The following PALLD variants were observed in gnomAD, a reference collection of about 807,000 sequenced individuals.
PALLD encodes palladin.
Under a neutral mutation model 123.5 loss-of-function variants are expected in PALLD, and 61 were observed. The observed-to-expected ratio is 0.49, with a 90% CI of 0.40 to 0.61. PALLD has a LOEUF of 0.61. Among genes scored for constraint, PALLD ranks in the 20% least tolerant of loss-of-function variants. The pLI, the probability that PALLD is intolerant of heterozygous loss-of-function variation, is 0.00. For missense variants in PALLD, 1,273 were observed against 1,377.0 expected, an observed-to-expected ratio of 0.92 and a Z score of 1.20; for synonymous variants, 465 against 496.4, an observed-to-expected ratio of 0.94 and a Z score of 0.84.
chr4:168,699,986 G>A, intron 8 of PALLD: 1 of 219,264 alleles, frequency 4.6e-6, no homozygotes, highest in Non-Finnish European at 9.4e-6. Flanking sequence ...GTCATTTTCT[G>A]ATTTCCATTC....
At chr4:168,513,019 C>T (rs899816986) in intron 2 of PALLD, among the ~76,000 whole-genome samples, 1 of 151,770 alleles carries the variant, frequency 6.6e-6, no homozygotes, top group Non-Finnish European at 1.5e-5. Flanking sequence ...ATGTAATTTA[C>T]CCATGTAACA....
intron 2 of PALLD, among the ~76,000 whole-genome samples, chr4:168,595,169 G>C (rs1472182260): frequency 3.9e-5 from 6 of 152,136 alleles, no homozygotes; most frequent in Admixed American, 1.3e-4. Context: ...GATAAGTTGT[G>C]GTGGGGCCTG....
intron 10 of PALLD, chr4:168,832,031 C>T (rs2150855873): frequency 1.0e-6 from 1 of 985,454 alleles, no homozygotes; most frequent in East Asian, 1.1e-4. Flanking sequence ...CGGGTGAAGG[C>T]TCGGAGCCTC....
intron 10 of PALLD, chr4:168,831,978 T>C: frequency 1.0e-6 from 1 of 985,048 alleles, no homozygotes; most frequent in Non-Finnish European, 1.2e-6. Context: ...ACGCCTCCTC[T>C]CTCCCGCCCG....
At chr4:168,888,017 A>G (rs1333132169) in intron 10 of PALLD, among the ~76,000 whole-genome samples, 1 of 152,188 alleles carries the variant, frequency 6.6e-6, no homozygotes, top group Non-Finnish European at 1.5e-5. Flanking sequence ...TTAGTCAGGG[A>G]CATCCTTTCC....
intron 10 of PALLD, among the ~76,000 whole-genome samples, chr4:168,748,628 A>C (rs1489170594): frequency 6.6e-6 from 1 of 152,192 alleles, no homozygotes. Context: ...ACAAGGCTGC[A>C]ATCAAGGTGT....
intron 3 of PALLD, among the ~76,000 whole-genome samples, chr4:168,672,747 C>T (rs1297985402): frequency 6.6e-6 from 1 of 152,216 alleles, no homozygotes; most frequent in Non-Finnish European, 1.5e-5. Flanking sequence ...CGTGAGCCAC[C>T]TCGCCCGGCC....
At chr4:168,525,775 G>C (rs919470644) in intron 2 of PALLD, among the ~76,000 whole-genome samples, 2 of 152,162 alleles carry the variant, frequency 1.3e-5, no homozygotes, top group African/African-American at 4.8e-5. Context: ...TCTAGTATGA[G>C]AGCTATTGTG....
intron 10 of PALLD, among the ~76,000 whole-genome samples, chr4:168,857,878 T>C (rs1376329502): frequency 6.6e-6 from 1 of 152,232 alleles, no homozygotes; most frequent in African/African-American, 2.4e-5. Flanking sequence ...CAAAAATATA[T>C]AGAAAGCAAA....
intron 10 of PALLD, among the ~76,000 whole-genome samples, chr4:168,833,556 G>A (rs745899753): frequency 1.3e-5 from 2 of 151,990 alleles, no homozygotes; most frequent in African/African-American, 2.4e-5. Context: ...GCTCCCCTCC[G>A]CCAGGTTAAG....
At chr4:168,530,236 C>A (rs1329795631) in intron 2 of PALLD, among the ~76,000 whole-genome samples, 1 of 152,162 alleles carries the variant, frequency 6.6e-6, no homozygotes, top group African/African-American at 2.4e-5. Flanking sequence ...ACAATCTCAA[C>A]CTTCTCATTA....
At chr4:168,828,724 A>G (rs763246186) in intron 10 of PALLD, among the ~76,000 whole-genome samples, 18 of 152,360 alleles carry the variant, frequency 1.2e-4, no homozygotes, top group East Asian at 1.9e-4. Context: ...ATTGAGCCCA[A>G]TGTTTCATCT....
At chr4:168,898,345 A>T in intron 13 of PALLD, 148 bp from the exon 14 acceptor site, 23 of 675,194 alleles carry the variant, frequency 3.4e-5, no homozygotes, top group Middle Eastern at 7.9e-4. Flanking sequence ...TTTTTGTTTC[A>T]TATGCAATTG....
At chr4:168,509,328 G>A (rs190662420) in intron 1 of PALLD, among the ~76,000 whole-genome samples, 20 of 152,060 alleles carry the variant, frequency 1.3e-4, no homozygotes, top group South Asian at 4.2e-4. Flanking sequence ...CATCTTCAGC[G>A]TCTCCTTTGA....
intron 10 of PALLD, among the ~76,000 whole-genome samples, chr4:168,780,244 C>G (rs537846483): frequency 4.6e-5 from 7 of 152,290 alleles, no homozygotes; most frequent in African/African-American, 1.7e-4. Context: ...ACTCTCTGTG[C>G]CAAAATCCTA....
chr4:168,711,903 T>A lies in PALLD; in HGVS notation c.1944T>A (p.Pro648=), dbSNP rs995460090. The A allele has an allele frequency of 1.2e-6, 2 of 1,613,898 alleles. No individual in the cohort carries two copies. Among genetic ancestry groups the A allele is most frequent in the Non-Finnish European group, 1.7e-6 (2 of 1,179,822 alleles). Residue 648 remains proline, a synonymous_variant, in exon 10 of 22, where the codon CCT becomes CCA. Transcript: ENST00000505667. The part of the protein sequence containing the change: ...VLLSPTKEPP[P]LLAKPKLGFP... ...TTTCACCCACTAAGGAGCCACCACC[T>A]CTGCTTGCCAAACCAAAACTGTGAG...
chr4:168,637,885 A>G (rs955117625), intron 2 of PALLD, among the ~76,000 whole-genome samples: 1 of 139,510 alleles, frequency 7.2e-6, no homozygotes, highest in Non-Finnish European at 1.5e-5. Flanking sequence ...CAGAGGTTGC[A>G]GTGAGCCAAG....
chr4:168,643,081 A>G (rs1240800218), intron 2 of PALLD, among the ~76,000 whole-genome samples: 2 of 152,200 alleles, frequency 1.3e-5, no homozygotes, highest in African/African-American at 2.4e-5. Flanking sequence ...ACAGTTGCCT[A>G]TTGGGTTATA....
intron 2 of PALLD, among the ~76,000 whole-genome samples, chr4:168,594,431 A>G (rs556106823): frequency 1.3e-4 from 20 of 152,288 alleles, no homozygotes; most frequent in Admixed American, 1.3e-3. Context: ...CTTAAAAAAA[A>G]CAGACGCGTG....
Sources: allele counts gnomAD v4.1 joint callset (sites outside exome capture counted in the v4.1 genomes callset), GRCh38; gene constraint gnomAD v4.1.1; transcripts MANE v1.5; gene names NCBI Gene and HGNC (gene_info 2026-07-23, HGNC 2026-07-21).